The following NRG3 variants were observed in gnomAD, a reference collection of about 807,000 sequenced individuals.
The protein encoded by NRG3 is neuregulin 3.
Under a neutral mutation model 66.9 loss-of-function variants are expected in NRG3, and 31 were observed. That is an observed-to-expected ratio of 0.46 (90% confidence interval 0.35 to 0.63). The LOEUF is 0.63. Among genes scored for constraint, NRG3 ranks in the 20% least tolerant of loss-of-function variants. NRG3 has a pLI of 0.00. For missense variants in NRG3, 910 were observed against 878.9 expected (o/e 1.04, Z -0.45); for synonymous variants, 393 against 359.4 (o/e 1.09, Z -1.06).
chr10:82,939,929 A>G (rs763105391), intron 4 of NRG3, among the ~76,000 whole-genome samples: 6 of 151,656 alleles, frequency 4.0e-5, no homozygotes, highest in Non-Finnish European at 7.4e-5. Context: ...AAATGTCCTT[A>G]GACATCCAGC....
chr10:82,924,020 G>C (rs1813312), intron 4 of NRG3, among the ~76,000 whole-genome samples: 56,158 of 148,322 alleles, frequency 0.38, 11,001 homozygotes, highest in East Asian at 0.63. Context: ...ATTGCTTGAA[G>C]CCAGGAGGCA....
chr10:82,098,837 C>T (rs2066542845), intron 1 of NRG3, among the ~76,000 whole-genome samples: 1 of 152,168 alleles, frequency 6.6e-6, no homozygotes, highest in African/African-American at 2.4e-5. Flanking sequence ...GATCTCGGCT[C>T]ACTGCAAGCT....
intron 1 of NRG3, among the ~76,000 whole-genome samples, chr10:81,966,568 C>T (rs2059738137): frequency 6.6e-6 from 1 of 152,016 alleles, no homozygotes; most frequent in Admixed American, 6.6e-5. Context: ...ACCTTGGACT[C>T]CAAAAGTGCT....
At chr10:82,917,843 G>A (rs911619566) in intron 4 of NRG3, among the ~76,000 whole-genome samples, 10 of 151,862 alleles carry the variant, frequency 6.6e-5, no homozygotes, top group African/African-American at 2.4e-4. Flanking sequence ...GCTTATGACT[G>A]TAGACTAGAC....
chr10:82,531,163 TG>T (rs1381344562), intron 2 of NRG3, among the ~76,000 whole-genome samples: 1 of 151,714 alleles, frequency 6.6e-6, no homozygotes, highest in African/African-American at 2.4e-5. Context: ...TATACAATAA[TG>T]TAAATGAAGA....
chr10:82,102,132 T>TTATATATA (rs2066782910), intron 1 of NRG3, among the ~76,000 whole-genome samples: 2 of 6,052 alleles, frequency 3.3e-4, no homozygotes, highest in African/African-American at 4.9e-4. Context: ...ATATGTGTAT[T>TTATATATA]CATATATATA....
intron 2 of NRG3, among the ~76,000 whole-genome samples, chr10:82,550,139 A>G (rs543396869): frequency 1.3e-5 from 2 of 152,308 alleles, no homozygotes; most frequent in Non-Finnish European, 2.9e-5. Flanking sequence ...CTCCTAGCAT[A>G]ATGCTTGCCA....
intron 1 of NRG3, among the ~76,000 whole-genome samples, chr10:82,029,593 A>G (rs2062471004): frequency 7.0e-6 from 1 of 143,600 alleles, no homozygotes; most frequent in Non-Finnish European, 1.5e-5. Context: ...TGTCACTACT[A>G]CAACATTTTA....
At chr10:82,490,719 G>A (rs931850122) in intron 2 of NRG3, among the ~76,000 whole-genome samples, 2 of 152,056 alleles carry the variant, frequency 1.3e-5, no homozygotes, top group Non-Finnish European at 2.9e-5. Context: ...AATATCTCCA[G>A]TACTTGATTC....
intron 2 of NRG3, among the ~76,000 whole-genome samples, chr10:82,362,333 ATGTGTGTGTGTGTGTGTGTGTGTGTG>A (rs56996997): frequency 1.5e-5 from 2 of 135,894 alleles, no homozygotes; most frequent in East Asian, 2.1e-4. Context: ...GTATATATAT[ATGTGTGTGTGTGTGTGTGTGTGTGTG>A]TGTGTGTGTG....
At chr10:82,738,845 G>T (rs1037039491) in intron 3 of NRG3, among the ~76,000 whole-genome samples, 195 bp downstream of exon 3, 1 of 152,136 alleles carries the variant, frequency 6.6e-6, no homozygotes, top group African/African-American at 2.4e-5. Flanking sequence ...CTGACGATGA[G>T]GCCTGGCTTC....
At chr10:82,538,635 C>A (rs1403558936) in intron 2 of NRG3, among the ~76,000 whole-genome samples, 1 of 151,846 alleles carries the variant, frequency 6.6e-6, no homozygotes, top group African/African-American at 2.4e-5. Context: ...AGTAGCCAAG[C>A]AGACACTCTG....
At chr10:82,063,311 G>A (rs10884116) in intron 1 of NRG3, among the ~76,000 whole-genome samples, 20,836 of 99,020 alleles carry the variant, frequency 0.21, 2,152 homozygotes, top group African/African-American at 0.37. Flanking sequence ...ATACCAAGAC[G>A]CAAATGTGAA....
intron 2 of NRG3, among the ~76,000 whole-genome samples, chr10:82,532,976 T>A (rs907568274): frequency 3.1e-4 from 47 of 151,824 alleles, no homozygotes; most frequent in African/African-American, 1.1e-3. Flanking sequence ...TTTTTTTTTT[T>A]AATAATGGCT....
At chr10:82,274,555 T>C (rs2078751191) in intron 1 of NRG3, among the ~76,000 whole-genome samples, 1 of 151,996 alleles carries the variant, frequency 6.6e-6, no homozygotes, top group African/African-American at 2.4e-5. Flanking sequence ...TGATGAGAAG[T>C]GTAAGTTACA....
intron 4 of NRG3, among the ~76,000 whole-genome samples, chr10:82,940,434 G>A (rs890251005): frequency 6.6e-6 from 1 of 152,046 alleles, no homozygotes; most frequent in Non-Finnish European, 1.5e-5. Flanking sequence ...TTCTCCCTAT[G>A]TGTGTATGTG....
chr10:82,781,134 G>C (rs2135274678), intron 3 of NRG3, among the ~76,000 whole-genome samples: 1 of 152,248 alleles, frequency 6.6e-6, no homozygotes, highest in East Asian at 1.9e-4. Flanking sequence ...CTTCAATCTT[G>C]CAATCCTTAA....
At chr10:82,697,255 T>C (rs952108164) in intron 2 of NRG3, among the ~76,000 whole-genome samples, 1 of 152,122 alleles carries the variant, frequency 6.6e-6, no homozygotes, top group African/African-American at 2.4e-5. Context: ...AATTGTTGGA[T>C]GATGAAGTAG....
chr10:81,990,300 T>C (rs1422777482), intron 1 of NRG3, among the ~76,000 whole-genome samples: 1 of 152,192 alleles, frequency 6.6e-6, no homozygotes, highest in East Asian at 1.9e-4. Flanking sequence ...GGCTGTTTAC[T>C]CTCATATTAA....
Sources: gnomAD v4.1 joint callset for allele counts (sites outside exome capture counted in the v4.1 genomes callset) on GRCh38, gnomAD v4.1.1 for gene constraint, MANE v1.5 for transcripts, NCBI Gene and HGNC (gene_info 2026-07-23, HGNC 2026-07-21) for gene names.